The following PDE7B variants were observed in gnomAD, a reference collection of about 807,000 sequenced individuals.
PDE7B encodes the protein 3',5'-cyclic-AMP phosphodiesterase 7B.
A neutral mutation model predicts 56.2 loss-of-function variants in PDE7B; 29 were observed. The ratio of observed to expected loss-of-function variants is 0.52; its 90% CI spans 0.38 to 0.70. PDE7B has a LOEUF of 0.70. Among genes scored for constraint, PDE7B ranks in the 30% least tolerant of loss-of-function variants. PDE7B has a pLI of 0.00. For missense variants in PDE7B, 490 were observed against 565.0 expected, an observed-to-expected ratio of 0.87 and a Z score of 1.35; for synonymous variants, 197 against 196.9, an observed-to-expected ratio of 1.00 and a Z score of 0.00.
intron 2 of PDE7B, among the ~76,000 whole-genome samples, chr6:135,966,688 T>G (rs1212219291): frequency 2.6e-5 from 4 of 152,292 alleles, no homozygotes; most frequent in Non-Finnish European, 5.9e-5. Context: ...ACCCTCTCTT[T>G]GATTTATTCA....
At chr6:135,970,595 C>T (rs776498605) in intron 2 of PDE7B, among the ~76,000 whole-genome samples, 4 of 152,186 alleles carry the variant, frequency 2.6e-5, no homozygotes, top group South Asian at 4.2e-4. Context: ...TGCCAGTCCC[C>T]GGTATACATT....
intron 3 of PDE7B, among the ~76,000 whole-genome samples, chr6:136,109,528 T>C (rs1314157451): frequency 6.6e-6 from 1 of 152,220 alleles, no homozygotes; most frequent in Non-Finnish European, 1.5e-5. Flanking sequence ...AATTCTCACT[T>C]CTTTGTCTAA....
At chr6:135,899,873 C>G (rs1775969201) in intron 1 of PDE7B, among the ~76,000 whole-genome samples, 1 of 151,968 alleles carries the variant, frequency 6.6e-6, no homozygotes, top group Admixed American at 6.6e-5. Flanking sequence ...TGGACGGCAA[C>G]TGTCTGGATA....
intron 2 of PDE7B, among the ~76,000 whole-genome samples, chr6:135,966,291 G>A (rs556201934): frequency 1.2e-4 from 19 of 152,042 alleles, no homozygotes; most frequent in East Asian, 7.8e-4. Flanking sequence ...GGCTACCTCC[G>A]CTTCTGTTTT....
chr6:136,150,501 A>G (rs1408094326), intron 5 of PDE7B, among the ~76,000 whole-genome samples: 1 of 152,178 alleles, frequency 6.6e-6, no homozygotes, highest in African/African-American at 2.4e-5. Flanking sequence ...GCCTTTGTCA[A>G]ACATTAGTTG....
At chr6:136,104,811 A>ATGAT (rs1475746641) in intron 2 of PDE7B, among the ~76,000 whole-genome samples, 1 of 152,190 alleles carries the variant, frequency 6.6e-6, no homozygotes, top group East Asian at 1.9e-4. Flanking sequence ...CCTTTTGAAA[A>ATGAT]TGATTATTTA....
intron 3 of PDE7B, among the ~76,000 whole-genome samples, chr6:136,123,091 T>C (rs2128443596): frequency 5.2e-4 from 1 of 1,934 alleles, no homozygotes; most frequent in Middle Eastern, 0.25. Flanking sequence ...CTAGGTGCGG[T>C]GGCTAATCCC....
At chr6:136,166,620 C>T (rs983451365) in intron 8 of PDE7B, among the ~76,000 whole-genome samples, 1 of 152,106 alleles carries the variant, frequency 6.6e-6, no homozygotes, top group South Asian at 2.1e-4. Context: ...CATAAGAACT[C>T]ACTACCACAA....
rs920996339 is a variant in PDE7B, at chr6:136,135,216, TCAAA to T, written c.167-12132_167-12129del. The stretch of plus-strand genomic sequence containing the variant: ...AAATAACTTTTGAGTTCCTTTAAGC[TCAAA>T]CAGATTTTCCAACTTCAAATTAAAT... On this transcript the variant is annotated intron_variant, in intron 3 of 12. Coordinates refer to ENST00000308191, the MANE Select transcript of PDE7B (RefSeq NM_018945.4). Among the ~76,000 whole-genome samples, 86 of 152,232 alleles carry T rather than the reference TCAAA, an allele frequency of 5.6e-4. 2 individuals carry two copies. Among genetic ancestry groups the T allele is most frequent in the African/African-American group, 2.0e-3 (82 of 41,556 alleles).
intron 9 of PDE7B, among the ~76,000 whole-genome samples, chr6:136,174,130 T>A (rs1011439628): frequency 2.6e-5 from 4 of 152,146 alleles, no homozygotes; most frequent in Non-Finnish European, 4.4e-5. Context: ...GGAAAAGGGA[T>A]AATAAACAGC....
At chr6:136,174,236 T>G (rs1307816423) in intron 9 of PDE7B, among the ~76,000 whole-genome samples, 3 of 152,154 alleles carry the variant, frequency 2.0e-5, no homozygotes, top group Non-Finnish European at 4.4e-5. Flanking sequence ...CTCCAAATAG[T>G]AAATATTTAT....
intron 2 of PDE7B, among the ~76,000 whole-genome samples, chr6:135,996,506 C>T (rs759597962): frequency 1.2e-4 from 18 of 152,150 alleles, no homozygotes; most frequent in East Asian, 3.8e-4. Context: ...TTACAAAAGG[C>T]GAGAAAATAA....
At chr6:136,139,425 A>G (rs978230904) in intron 3 of PDE7B, among the ~76,000 whole-genome samples, 1 of 152,132 alleles carries the variant, frequency 6.6e-6, no homozygotes, top group Non-Finnish European at 1.5e-5. Flanking sequence ...TGCCTCAGTA[A>G]ACATACGTGT....
At chr6:135,932,521 T>C (rs918374762) in intron 1 of PDE7B, among the ~76,000 whole-genome samples, 1 of 152,138 alleles carries the variant, frequency 6.6e-6, no homozygotes, top group Admixed American at 6.5e-5. Context: ...TCTGAACATA[T>C]GGAGAAGGGG....
At chr6:136,094,125 T>C (rs1025559476) in intron 2 of PDE7B, 1 of 152,342 alleles carries the variant, frequency 6.6e-6, no homozygotes, top group Non-Finnish European at 1.5e-5. Context: ...GCACCTTCTA[T>C]GTGTCCTCTT....
chr6:135,951,963 CAACAT>C (rs1298223827), intron 2 of PDE7B, among the ~76,000 whole-genome samples: 2 of 152,156 alleles, frequency 1.3e-5, no homozygotes, highest in Non-Finnish European at 2.9e-5. Context: ...TATTAACACT[CAACAT>C]AGGCATAGAG....
chr6:136,090,155 A>G (rs1777364308), intron 2 of PDE7B, among the ~76,000 whole-genome samples: 1 of 152,174 alleles, frequency 6.6e-6, no homozygotes, highest in African/African-American at 2.4e-5. Flanking sequence ...CAGAGATACA[A>G]TCAGGGATCA....
chr6:136,155,550 G>C, intron 7 of PDE7B, 77 bp from the exon 8 acceptor site: 1 of 1,247,170 alleles, frequency 8.0e-7, no homozygotes, highest in Middle Eastern at 1.9e-4. Context: ...GATTCATTGT[G>C]TTTGATTTAG....
chr6:136,109,660 C>G (rs1179543487), intron 3 of PDE7B, among the ~76,000 whole-genome samples: 1 of 152,196 alleles, frequency 6.6e-6, no homozygotes, highest in Non-Finnish European at 1.5e-5. Flanking sequence ...CTTCCCCTCC[C>G]TAAACTGCTC....
Sources: gnomAD v4.1 joint callset for allele counts (sites outside exome capture counted in the v4.1 genomes callset) on GRCh38, gnomAD v4.1.1 for gene constraint, MANE v1.5 for transcripts, NCBI Gene and HGNC (gene_info 2026-07-23, HGNC 2026-07-21) for gene names.